ACOXL: variants seen among roughly 807,000 people sequenced by gnomAD.
ACOXL encodes the protein acyl-coenzyme A oxidase-like protein.
In ACOXL, 70 loss-of-function variants were observed where a neutral mutation model predicts 71.9. The observed-to-expected ratio is 0.97, with a 90% CI of 0.80 to 1.19. ACOXL has a LOEUF of 1.19. Ranked by LOEUF, ACOXL falls within the 50% of genes most tolerant of loss-of-function variation. The probability of loss-of-function intolerance (pLI) is 0.00; values close to 1 mark genes in which losing one functional copy is unlikely to be tolerated. For synonymous variants in ACOXL, 253 were observed against 281.6 expected (o/e 0.90, Z 1.02); for missense variants, 703 against 736.3 (o/e 0.95, Z 0.52).
At chr2:110,816,858 C>T (rs1388945720) in intron 9 of ACOXL, among the ~76,000 whole-genome samples, 1 of 152,228 alleles carries the variant, frequency 6.6e-6, no homozygotes, top group Non-Finnish European at 1.5e-5. Context: ...ACCCTGGTCA[C>T]CTCTGGACTC....
chr2:110,856,257 G>A (rs1187859524), intron 10 of ACOXL, among the ~76,000 whole-genome samples: 3 of 152,118 alleles, frequency 2.0e-5, no homozygotes, highest in African/African-American at 7.2e-5. Context: ...CTCTCAATAT[G>A]ATGAAATCTG....
chr2:110,967,373 C>T (rs2061979073), intron 12 of ACOXL, among the ~76,000 whole-genome samples: 1 of 152,130 alleles, frequency 6.6e-6, no homozygotes, highest in African/African-American at 2.4e-5. Context: ...TGAACAGAAT[C>T]ACACAGATCA....
At chr2:110,965,975 G>A (rs1012439354) in intron 12 of ACOXL, among the ~76,000 whole-genome samples, 1 of 152,086 alleles carries the variant, frequency 6.6e-6, no homozygotes, top group African/African-American at 2.4e-5. Context: ...CCTGATGACA[G>A]AAAATCTTTT....
intron 16 of ACOXL, among the ~76,000 whole-genome samples, chr2:111,091,035 G>C (rs1374894518): frequency 6.6e-6 from 1 of 152,204 alleles, no homozygotes; most frequent in Non-Finnish European, 1.5e-5. Context: ...GAAGACAGCA[G>C]AGTTAGGATC....
At chr2:110,971,204 A>G (rs1178228603) in intron 12 of ACOXL, among the ~76,000 whole-genome samples, 1 of 152,258 alleles carries the variant, frequency 6.6e-6, no homozygotes, top group Non-Finnish European at 1.5e-5. Context: ...CATGGCAAAT[A>G]AGCACATGAA....
In ACOXL at chr2:110,989,718, G is replaced by A. The variant is rs143927434; in HGVS notation, c.1169+2501G>A. ...GTAATGGTTGTACAACAGGGTGAAC[G>A]TACTTAATACCACTGAACTGTACAC... On this transcript the variant is annotated intron_variant, in intron 13 of 17. Transcript: ENST00000439055. Among the ~76,000 whole-genome samples the A allele has an allele frequency of 2.4e-3, 371 of 152,256 alleles. 4 individuals are homozygous for A. The highest frequency in any genetic ancestry group is 8.6e-3 in the African/African-American group (358 of 41,542).
intron 10 of ACOXL, among the ~76,000 whole-genome samples, chr2:110,872,958 G>A (rs1695455286): frequency 1.3e-5 from 2 of 152,206 alleles, no homozygotes; most frequent in Non-Finnish European, 2.9e-5. Flanking sequence ...TGTCAGTTAT[G>A]CTCAAAATAT....
chr2:110,929,085 G>T (rs946628467), intron 11 of ACOXL, among the ~76,000 whole-genome samples: 30 of 152,214 alleles, frequency 2.0e-4, no homozygotes, highest in Admixed American at 3.9e-4. Context: ...AACATATCCA[G>T]TGACTTTGAA....
intron 9 of ACOXL, among the ~76,000 whole-genome samples, chr2:110,833,223 A>G (rs1002166752): frequency 1.3e-5 from 2 of 152,236 alleles, no homozygotes; most frequent in Admixed American, 6.5e-5. Flanking sequence ...CATCTATACC[A>G]TGGAACACTG....
At chr2:110,912,188 C>T (rs2059674322) in intron 11 of ACOXL, among the ~76,000 whole-genome samples, 1 of 152,004 alleles carries the variant, frequency 6.6e-6, no homozygotes, top group South Asian at 2.1e-4. Context: ...GGTGACTATA[C>T]TCCCTAAATT....
At chr2:110,796,364 A>G (rs1235945884) in intron 5 of ACOXL, among the ~76,000 whole-genome samples, 2 of 152,246 alleles carry the variant, frequency 1.3e-5, no homozygotes, top group Non-Finnish European at 2.9e-5. Context: ...TAGTTCCTAC[A>G]ACACTGACCA....
chr2:110,914,562 A>G (rs186013294), intron 11 of ACOXL, among the ~76,000 whole-genome samples: 2 of 152,312 alleles, frequency 1.3e-5, no homozygotes, highest in Admixed American at 1.3e-4. Context: ...TTAGTCATTT[A>G]TTTGTAGACC....
chr2:110,805,367 T>C lies in ACOXL; in HGVS notation c.725T>C (p.Val242Ala). The C allele has an allele frequency of 1.9e-6, 3 of 1,614,262 alleles. No homozygotes were observed. The highest frequency in any genetic ancestry group is 2.5e-6 in the Non-Finnish European group (3 of 1,180,040). ...GCACTGACCCCTTCGAGATTAGCTG[T>C]GGCTTTCCAAGCTATGGGTGCCATG... ...LAALTPSRLA[V>A]AFQAMGAMKL... The change falls in exon 9 of 18, where the codon GTG (valine) becomes GCG (alanine). Residue 242 changes from valine to alanine, a missense_variant. By Grantham distance (64) the Val-to-Ala change is moderately conservative. Transcript: ENST00000439055.
chr2:110,915,029 A>T (rs2149263956), intron 11 of ACOXL, among the ~76,000 whole-genome samples: 1 of 152,258 alleles, frequency 6.6e-6, no homozygotes, highest in South Asian at 2.1e-4. Flanking sequence ...TAGTTATTTT[A>T]AAATGTACAA....
chr2:110,805,116 C>G (rs1473559308), intron 8 of ACOXL, 147 bp from the exon 9 acceptor site: 11 of 1,025,810 alleles, frequency 1.1e-5, no homozygotes, highest in Non-Finnish European at 1.6e-5. Context: ...CTCCCCCTGC[C>G]CTTATCGGCG....
chr2:111,003,177 C>T (rs1052357989), intron 14 of ACOXL, among the ~76,000 whole-genome samples: 2 of 152,076 alleles, frequency 1.3e-5, no homozygotes, highest in Non-Finnish European at 2.9e-5. Flanking sequence ...AAAACATTTA[C>T]ACACACATGA....
intron 12 of ACOXL, among the ~76,000 whole-genome samples, chr2:110,971,834 T>C (rs1426509791): frequency 1.3e-5 from 2 of 152,246 alleles, no homozygotes; most frequent in Non-Finnish European, 2.9e-5. Flanking sequence ...GAATATTCAG[T>C]AATTCAGACA....
In ACOXL at chr2:110,805,343, C is replaced by G. The variant is rs774603432; in HGVS notation, c.701C>G (p.Ala234Gly). 1.2e-6 allele frequency: 2 copies of G among 1,614,242 alleles called. No homozygotes were observed. The highest frequency in any genetic ancestry group is 3.3e-5 in the Admixed American group (2 of 60,036). ...GCAAGATTCAATGCCATGCTGGCAG[C>G]ACTGACCCCTTCGAGATTAGCTGTG... ...KSARFNAMLA[A>G]LTPSRLAVAF... is the part of the protein sequence containing the mutation. The change falls in exon 9 of 18, where the codon GCA (alanine) becomes GGA (glycine). Residue 234 changes from alanine to glycine, a missense_variant. Transcript: ENST00000439055.
intron 12 of ACOXL, among the ~76,000 whole-genome samples, chr2:110,955,635 C>CA (rs1348560547): frequency 6.6e-6 from 1 of 152,156 alleles, no homozygotes; most frequent in Admixed American, 6.5e-5. Context: ...TGTCTGCCCC[C>CA]AAAGGCTTCT....
Sources: gnomAD v4.1 joint callset for allele counts (sites outside exome capture counted in the v4.1 genomes callset) on GRCh38, gnomAD v4.1.1 for gene constraint, MANE v1.5 for transcripts, NCBI Gene and HGNC (gene_info 2026-07-23, HGNC 2026-07-21) for gene names.